Variants in CHD9 observed in about 807,000 individuals in gnomAD.
CHD9 encodes chromodomain helicase DNA binding protein 9.
CHD9 carries 77 observed loss-of-function variants against 316.1 expected under a neutral mutation model. That is an observed-to-expected ratio of 0.24 (90% CI 0.20 to 0.29). The LOEUF is 0.29. Ranked by LOEUF, CHD9 falls within the 10% of genes least tolerant of loss-of-function variation. CHD9 has a pLI of 1.00. For synonymous variants in CHD9, 1,129 were observed against 1,158.3 expected, an observed-to-expected ratio of 0.97 and a Z score of 0.51; for missense variants, 2,763 against 3,438.1, an observed-to-expected ratio of 0.80 and a Z score of 4.91.
At chr16:53,264,304 A>G (rs1471839914) in intron 20 of CHD9, among the ~76,000 whole-genome samples, 1 of 152,158 alleles carries the variant, frequency 6.6e-6, no homozygotes, top group Non-Finnish European at 1.5e-5. Context: ...AGCAATAAGC[A>G]TACATGTACA....
At position 53,178,022 on chromosome 16, in the gene CHD9, T is replaced by A. The variant is rs1475813501; in HGVS notation, c.1452+20481T>A. ...ATGCACATACTGGCAGTAAAGTTCA[T>A]CCTTGAGAGAACACACATAGGGAAT... On this transcript the variant is annotated intron_variant, in intron 2 of 38. Coordinates refer to ENST00000447540, the MANE Select transcript of CHD9 (RefSeq NM_001308319.2). 2.6e-5 allele frequency among the ~76,000 whole-genome samples: 4 copies of A among 152,180 alleles called. No homozygotes were observed. The South Asian group carries it at 8.3e-4, about 31-fold the overall frequency.
chr16:53,108,511 T>TATAG (rs36134573), intron 1 of CHD9, among the ~76,000 whole-genome samples: 2,987 of 146,584 alleles, frequency 0.02, 36 homozygotes, highest in Non-Finnish European at 0.023. Flanking sequence ...TCTCAAAAAA[T>TATAG]ATAGATAGAT....
intron 19 of CHD9, among the ~76,000 whole-genome samples, chr16:53,257,965 G>T (rs1001048720): frequency 5.9e-5 from 9 of 152,022 alleles, no homozygotes; most frequent in Admixed American, 5.2e-4. Context: ...TCAAAAGGTG[G>T]TCATGGTTAC....
chr16:53,291,852 TATA>T (rs2153053951), intron 28 of CHD9, 85 bp downstream of exon 28: 1 of 829,032 alleles, frequency 1.2e-6, no homozygotes, highest in African/African-American at 1.8e-5. Context: ...ATTACACTTT[TATA>T]ATGTTTCATA....
intron 1 of CHD9, among the ~76,000 whole-genome samples, chr16:53,107,469 T>TAAAATAAAATAAAAA (rs2037450672): frequency 7.1e-6 from 1 of 140,860 alleles, no homozygotes; most frequent in African/African-American, 2.6e-5. Context: ...CAAAATAAAA[T>TAAAATAAAATAAAAA]AAAATAAAAT....
intron 1 of CHD9, among the ~76,000 whole-genome samples, chr16:53,066,039 C>G (rs2033472262): frequency 6.6e-6 from 1 of 152,014 alleles, no homozygotes; most frequent in Non-Finnish European, 1.5e-5. Context: ...TACTGCATAC[C>G]CACGAGTAAG....
chr16:53,257,860 G>GA (rs2050746656), intron 19 of CHD9, among the ~76,000 whole-genome samples: 1 of 152,078 alleles, frequency 6.6e-6, no homozygotes, highest in African/African-American at 2.4e-5. Context: ...CCCGGCTCTA[G>GA]TTTTTTTCCT....
intron 24 of CHD9, among the ~76,000 whole-genome samples, chr16:53,277,080 CAA>C (rs2052916219): frequency 6.6e-6 from 1 of 152,080 alleles, no homozygotes; most frequent in African/African-American, 2.4e-5. Context: ...CCTAAACAGA[CAA>C]AGAACAGCAG....
intron 36 of CHD9, among the ~76,000 whole-genome samples, chr16:53,315,553 A>G (rs1170395604): frequency 6.6e-6 from 1 of 152,054 alleles, no homozygotes; most frequent in African/African-American, 2.4e-5. Flanking sequence ...ATCTCGGCTC[A>G]CTTCAACCTC....
rs1567657583 is a variant in CHD9, at chr16:53,304,443, GATC to G, written c.6441_6443del (p.Ser2155del). On this transcript the variant is annotated inframe_deletion, in exon 31 of 39. Coordinates refer to ENST00000447540, the MANE Select transcript of CHD9 (RefSeq NM_001308319.2). The stretch of plus-strand genomic sequence containing the variant: ...TCTGAGAGATCATCTTGTTCTTCCA[GATC>G]ATCTTCTTCCTCATCATCCTCTTCT... 1 of 1,586,416 alleles carries G rather than the reference GATC, an allele frequency of 6.3e-7. No individual in the cohort carries two copies. The highest frequency in any genetic ancestry group is 1.3e-5 in the African/African-American group (1 of 74,234).
chr16:53,156,026 C>CTA lies in CHD9; in HGVS notation c.-61_-60dup. On this transcript the variant is annotated 5_prime_UTR_variant, in exon 2 of 39. The change creates a premature stop within an existing upstream ORF in the 5' untranslated region. Transcript: ENST00000447540. ...TTCGGAAATGATCCAATAATATCTA[C>CTA]TATAGAGAAGCTGAATATACTCCAT... 1.4e-6 allele frequency: 2 copies of CTA among 1,477,480 alleles called. No homozygotes were observed. Among genetic ancestry groups the CTA allele is most frequent in the South Asian group, 2.7e-5 (2 of 74,046 alleles). The allele number at this position is 1,477,480 out of a possible 1,614,324, so 91.5% of individuals were successfully genotyped here.
chr16:53,085,234 T>A (rs1034244726), intron 1 of CHD9, among the ~76,000 whole-genome samples: 2 of 151,620 alleles, frequency 1.3e-5, no homozygotes, highest in Non-Finnish European at 2.9e-5. Context: ...TCATCTTTTT[T>A]TTTTTTTTTT....
chr16:53,247,638 A>C, intron 16 of CHD9, 135 bp downstream of exon 16: 1 of 676,944 alleles, frequency 1.5e-6, no homozygotes, highest in Non-Finnish European at 2.5e-6. Flanking sequence ...ATTTATAAGT[A>C]AAGATTGTTT....
intron 3 of CHD9, among the ~76,000 whole-genome samples, chr16:53,218,792 A>G (rs570381285): frequency 3.2e-4 from 49 of 152,226 alleles, no homozygotes; most frequent in African/African-American, 1.1e-3. Flanking sequence ...TTCATGGGAG[A>G]TTGTTATTTA....
In CHD9 at chr16:53,219,265, G is replaced by A. The variant is rs541267079; in HGVS notation, c.1785-3379G>A. Among the ~76,000 whole-genome samples, 17 of 152,300 alleles carry A rather than the reference G, an allele frequency of 1.1e-4. No homozygotes were observed. The South Asian group carries it at 3.1e-3, about 28-fold the overall frequency. On this transcript the variant is annotated intron_variant, in intron 3 of 38. Transcript: ENST00000447540. ...TGTGATACCTATGAGATACCCATAT[G>A]TATATGTGTAATAAGCAATTAGTTA...
At chr16:53,133,150 A>G (rs2039456086) in intron 1 of CHD9, among the ~76,000 whole-genome samples, 1 of 152,166 alleles carries the variant, frequency 6.6e-6, no homozygotes. Context: ...AGTTTTGATT[A>G]AGGGTAACTG....
At chr16:53,204,727 T>C (rs1011666692) in intron 2 of CHD9, among the ~76,000 whole-genome samples, 3 of 152,196 alleles carry the variant, frequency 2.0e-5, no homozygotes, top group Non-Finnish European at 2.9e-5. Flanking sequence ...CCAGGTGCTA[T>C]CAAAATAACA....
intron 28 of CHD9, among the ~76,000 whole-genome samples, chr16:53,292,599 G>C (rs778105776): frequency 4.6e-5 from 7 of 152,176 alleles, no homozygotes; most frequent in Non-Finnish European, 8.8e-5. Flanking sequence ...ACATGCAAGA[G>C]TTGTATTTGC....
In CHD9 at chr16:53,254,530, C is replaced by G. The variant is rs1350811800; in HGVS notation, c.3954C>G (p.Asp1318Glu). The G allele has an allele frequency of 3.1e-6, 5 of 1,612,908 alleles. No individual in the cohort carries two copies. Among genetic ancestry groups the G allele is most frequent in the Non-Finnish European group, 4.2e-6 (5 of 1,179,304 alleles). The change falls in exon 18 of 39, where the codon GAC becomes GAG. Residue 1318 changes from aspartate to glutamate, a missense_variant. Transcript: ENST00000447540. ...TRNSYEREMFDRASLKLGLDK... is the reference protein window; with the variant it reads ...TRNSYEREMFERASLKLGLDK... ...ACTCATATGAGAGAGAGATGTTTGA[C>G]CGAGCCAGTTTGAAACTGGGCCTAG... is the stretch of plus-strand genomic sequence containing the variant.
Sources: allele counts gnomAD v4.1 joint callset (sites outside exome capture counted in the v4.1 genomes callset), GRCh38; gene constraint gnomAD v4.1.1; transcripts MANE v1.5; gene names NCBI Gene and HGNC (gene_info 2026-07-23, HGNC 2026-07-21).